Variants in CAST observed in about 807,000 individuals in gnomAD.
The protein encoded by CAST is MIR583 host.
In CAST, 76 loss-of-function variants were observed where a neutral mutation model predicts 119.6. The ratio of observed to expected loss-of-function variants is 0.64; its 90% CI spans 0.53 to 0.77. The LOEUF is 0.77. CAST is among the 30% of genes least tolerant of loss of function. The pLI, the probability that CAST is intolerant of heterozygous loss-of-function variation, is 0.00. For missense variants in CAST, 953 were observed against 946.5 expected, an observed-to-expected ratio of 1.01 and a Z score of -0.09; for synonymous variants, 319 against 331.6, an observed-to-expected ratio of 0.96 and a Z score of 0.41.
the CAST span, among the ~76,000 whole-genome samples, chr5:96,307,470 A>T: frequency 6.6e-6 from 1 of 152,164 alleles, no homozygotes; most frequent in Non-Finnish European, 1.5e-5. Flanking sequence ...TAATATTGTT[A>T]TGTGTGCATT....
At chr5:96,765,401 T>C (rs1769561665) in intron 26 of CAST, 76 bp downstream of exon 26, 1 of 726,446 alleles carries the variant, frequency 1.4e-6, no homozygotes, top group Non-Finnish European at 2.4e-6. Context: ...TCTGTCATTG[T>C]CATAGGAATA....
intron 2 of CAST, among the ~76,000 whole-genome samples, chr5:96,683,912 A>G (rs985215595): frequency 1.3e-5 from 2 of 152,232 alleles, no homozygotes; most frequent in African/African-American, 2.4e-5. Flanking sequence ...AATTTAGGAC[A>G]AAAACTCTGT....
At chr5:96,485,328 C>A in the CAST span, among the ~76,000 whole-genome samples, 1 of 152,128 alleles carries the variant, frequency 6.6e-6, no homozygotes, top group Non-Finnish European at 1.5e-5. Flanking sequence ...GATGGTAAGT[C>A]CTCACATGAA....
At chr5:96,640,036 C>A (rs897052190) in intron 1 of CAST, among the ~76,000 whole-genome samples, 8 of 152,144 alleles carry the variant, frequency 5.3e-5, no homozygotes, top group African/African-American at 1.9e-4. Context: ...TATAAATAGG[C>A]AAAGATTACT....
intron 1 of CAST, among the ~76,000 whole-genome samples, chr5:96,556,448 G>A (rs556091128): frequency 2.0e-5 from 3 of 152,158 alleles, no homozygotes; most frequent in Non-Finnish European, 4.4e-5. Flanking sequence ...TGGCAAAGAA[G>A]TTAAAAACCT....
At position 96,754,533 on chromosome 5, in the gene CAST, C is replaced by T. The variant is rs139095704; in HGVS notation, c.1627-125C>T. The stretch of plus-strand genomic sequence containing the variant: ...ATGAAGTTGCTGTAGGAGCACTAAG[C>T]ATACGGTCATATGTACTTCCTAACC... On this transcript the variant is annotated intron_variant, in intron 21 of 31. Coordinates refer to ENST00000675179, the MANE Select transcript of CAST (RefSeq NM_001750.7). 3.2e-5 allele frequency: 21 copies of T among 665,832 alleles called. No homozygotes were observed. In the East Asian group the frequency reaches 4.9e-4, roughly 16 times the overall value. 41.2% of individuals were successfully genotyped at this position (665,832 alleles called of 1,614,324 possible). A position where few individuals can be genotyped will look rare whatever the true frequency, so the allele number is the denominator to read the frequency against.
chr5:96,042,438 C>A, the CAST span, among the ~76,000 whole-genome samples: 1 of 152,084 alleles, frequency 6.6e-6, no homozygotes, highest in Non-Finnish European at 1.5e-5. Context: ...CAGATTGCTA[C>A]CCTATTTATT....
intron 1 of CAST, among the ~76,000 whole-genome samples, chr5:96,596,991 A>T (rs1747061281): frequency 6.6e-6 from 1 of 152,050 alleles, no homozygotes; most frequent in African/African-American, 2.4e-5. Context: ...AACCTCTATG[A>T]CCTCATTTAA....
chr5:96,552,435 T>G (rs1746151388), intron 1 of CAST, among the ~76,000 whole-genome samples: 1 of 152,152 alleles, frequency 6.6e-6, no homozygotes, highest in African/African-American at 2.4e-5. Context: ...AGAGGGAAAT[T>G]TATAGCACTA....
chr5:96,306,092 T>G, the CAST span, among the ~76,000 whole-genome samples: 1 of 152,214 alleles, frequency 6.6e-6, no homozygotes, highest in Non-Finnish European at 1.5e-5. Context: ...TTTTTTTGGT[T>G]GGTGGGCTAT....
At chr5:95,992,887 C>T in the CAST span, among the ~76,000 whole-genome samples, 1 of 151,582 alleles carries the variant, frequency 6.6e-6, no homozygotes, top group Non-Finnish European at 1.5e-5. Flanking sequence ...CTAAAATTTA[C>T]GGAAAGGCAA....
chr5:96,771,696 G>A lies in CAST; in HGVS notation c.*17G>A. On this transcript the variant is annotated 3_prime_UTR_variant, in exon 31 of 32. Coordinates refer to ENST00000675179, the MANE Select transcript of CAST (RefSeq NM_001750.7). ...GATGACTAAAGAAATACAAGTTAAG[G>A]TATCTGGTAAGTTGGGTGTTTATTT... 1 of 1,604,152 alleles carries A rather than the reference G, an allele frequency of 6.2e-7. No homozygotes were observed. The highest frequency in any genetic ancestry group is 8.5e-7 in the Non-Finnish European group (1 of 1,171,560).
At chr5:96,256,673 A>G in the CAST span, among the ~76,000 whole-genome samples, 13 of 152,078 alleles carry the variant, frequency 8.5e-5, no homozygotes, top group African/African-American at 3.1e-4. Flanking sequence ...ATATCATATT[A>G]TAATCTTATG....
chr5:96,601,397 G>A (rs1159063692), intron 1 of CAST, among the ~76,000 whole-genome samples: 1 of 152,180 alleles, frequency 6.6e-6, no homozygotes, highest in South Asian at 2.1e-4. Context: ...TGTGACCTTG[G>A]CAGAAAATAA....
chr5:96,398,627 A>T, the CAST span, among the ~76,000 whole-genome samples: 1 of 152,222 alleles, frequency 6.6e-6, no homozygotes, highest in Non-Finnish European at 1.5e-5. Flanking sequence ...TTGAAAATGC[A>T]TGACTTCAGA....
chr5:96,186,112 A>G, the CAST span, among the ~76,000 whole-genome samples: 60 of 152,188 alleles, frequency 3.9e-4, no homozygotes, highest in African/African-American at 1.4e-3. Context: ...TTTTGTAGCA[A>G]TTGTGAATGG....
the CAST span, among the ~76,000 whole-genome samples, chr5:96,263,652 C>A: frequency 1.3e-5 from 2 of 151,740 alleles, no homozygotes; most frequent in Non-Finnish European, 1.5e-5. Flanking sequence ...TAAAAATAAT[C>A]CTCATTTAAC....
At chr5:96,373,113 G>A in the CAST span, among the ~76,000 whole-genome samples, 5 of 152,042 alleles carry the variant, frequency 3.3e-5, no homozygotes, top group Non-Finnish European at 5.9e-5. Flanking sequence ...TCATTTGACA[G>A]GCAGGATTGT....
chr5:96,401,004 G>A, the CAST span, among the ~76,000 whole-genome samples: 2 of 146,836 alleles, frequency 1.4e-5, no homozygotes, highest in African/African-American at 2.5e-5. Context: ...GGAGAATGGC[G>A]TGAACCTGGG....
Sources: gnomAD v4.1 joint callset for allele counts (sites outside exome capture counted in the v4.1 genomes callset) on GRCh38, gnomAD v4.1.1 for gene constraint, MANE v1.5 for transcripts, NCBI Gene and HGNC (gene_info 2026-07-23, HGNC 2026-07-21) for gene names.